The following RAMP3 variants were observed in gnomAD, a reference collection of about 807,000 sequenced individuals.
The protein encoded by RAMP3 is receptor activity-modifying protein 3.
Under a neutral mutation model 13.5 loss-of-function variants are expected in RAMP3, and 14 were observed. The observed-to-expected ratio is 1.04, with a 90% confidence interval of 0.69 to 1.63. The LOEUF is 1.63. RAMP3 is among the 40% of genes most tolerant of loss of function. The pLI is 0.00. For synonymous variants in RAMP3, 106 were observed against 88.3 expected, an observed-to-expected ratio of 1.20 and a Z score of -1.12; for missense variants, 200 against 204.8, an observed-to-expected ratio of 0.98 and a Z score of 0.14.
Position 45,161,291 on chromosome 7 carries a change from G to A in RAMP3, c.58+3405G>A, listed in dbSNP as rs115301079. 8.1e-3 allele frequency among the ~76,000 whole-genome samples: 1,234 copies of A among 152,198 alleles called. 12 individuals are homozygous for A. Among genetic ancestry groups the A allele is most frequent in the African/African-American group, 0.028 (1,172 of 41,490 alleles). On this transcript the variant is annotated intron_variant, in intron 1 of 2. Transcript: ENST00000242249. Reference sequence around the variant, plus strand: ...GGTATTTGTAGAGCCGTGGGGGAGGGGCTGGGCAATGCCCTGGCACTGGGG... The same window carrying A: ...GGTATTTGTAGAGCCGTGGGGGAGGAGCTGGGCAATGCCCTGGCACTGGGG...
chr7:45,157,806 G>T lies in RAMP3; in HGVS notation c.-23G>T. 6.9e-7 allele frequency: 1 copy of T among 1,438,914 alleles called. No homozygotes were observed. Among genetic ancestry groups the T allele is most frequent in the Non-Finnish European group, 9.0e-7 (1 of 1,105,364 alleles). 89.1% of individuals were successfully genotyped at this position (1,438,914 alleles called of 1,614,324 possible). A position where few individuals can be genotyped will look rare whatever the true frequency, so the allele number is the denominator to read the frequency against. On this transcript the variant is annotated 5_prime_UTR_variant, in exon 1 of 3. Transcript: ENST00000242249. ...CCGCGCCCCCAGCGGGACCGAGCGTGACCCAGCTGCGGCCGGCCAGCCATG... is the reference window on the plus strand; with the variant it reads ...CCGCGCCCCCAGCGGGACCGAGCGTTACCCAGCTGCGGCCGGCCAGCCATG...
chr7:45,161,404 T>C (rs1456655397), intron 1 of RAMP3, among the ~76,000 whole-genome samples: 1 of 152,066 alleles, frequency 6.6e-6, no homozygotes, highest in Non-Finnish European at 1.5e-5. Flanking sequence ...GGGTAATGAA[T>C]ACTTATCAGG....
intron 1 of RAMP3, among the ~76,000 whole-genome samples, chr7:45,169,469 T>A (rs925578625): frequency 2.5e-4 from 38 of 152,148 alleles, no homozygotes; most frequent in Admixed American, 2.0e-4. Flanking sequence ...CCTATTTAGA[T>A]TTTTGATGTC....
At chr7:45,174,665 C>T (rs1333238534) in intron 1 of RAMP3, among the ~76,000 whole-genome samples, 1 of 152,142 alleles carries the variant, frequency 6.6e-6, no homozygotes, top group Non-Finnish European at 1.5e-5. Context: ...ACTGTGGCTG[C>T]CTGTATGCGC....
In RAMP3 at chr7:45,183,140, C is replaced by T. The variant is rs762134566; in HGVS notation, c.192-17C>T. 5.6e-6 allele frequency: 9 copies of T among 1,606,564 alleles called. No homozygotes were observed. In the East Asian group the frequency reaches 1.6e-4, roughly 28 times the overall value. On this transcript the variant is annotated splice_polypyrimidine_tract_variant and intron_variant, in intron 2 of 2. Coordinates refer to ENST00000242249, the MANE Select transcript of RAMP3 (RefSeq NM_005856.3). ...GGGATGGCGAGAGCCTGGCTTTCAC[C>T]CCCTCTGCTTTTGCAGGTACTATGA...
At chr7:45,164,256 C>A in intron 1 of RAMP3, among the ~76,000 whole-genome samples, 1 of 152,324 alleles carries the variant, frequency 6.6e-6, no homozygotes, top group Non-Finnish European at 1.5e-5. Flanking sequence ...GAGGAGTATT[C>A]TCCAATTATC....
At chr7:45,178,513 C>G (rs1786238905) in intron 2 of RAMP3, among the ~76,000 whole-genome samples, 1 of 152,240 alleles carries the variant, frequency 6.6e-6, no homozygotes, top group Non-Finnish European at 1.5e-5. Context: ...TTCTAGTGGC[C>G]CAGCAGATGG....
chr7:45,169,564 G>A (rs1420425499), intron 1 of RAMP3, among the ~76,000 whole-genome samples: 8 of 152,136 alleles, frequency 5.3e-5, no homozygotes, highest in Non-Finnish European at 7.4e-5. Context: ...CTTAAAACCC[G>A]TTCTGGAGGC....
In RAMP3 at chr7:45,183,751, T is replaced by C. The variant is rs1020733460; in HGVS notation, c.*339T>C. On this transcript the variant is annotated 3_prime_UTR_variant, in exon 3 of 3. Coordinates refer to ENST00000242249, the MANE Select transcript of RAMP3 (RefSeq NM_005856.3). The stretch of plus-strand genomic sequence containing the variant: ...TCTGCCCGCAGGTTTCTATGCTGTT[T>C]CTTAGCACAGAATCCAGCCTAGCCT... The C allele has an allele frequency of 3.6e-6, 2 of 560,358 alleles. No individual in the cohort carries two copies. Among genetic ancestry groups the C allele is most frequent in the South Asian group, 4.9e-5 (2 of 40,548 alleles). The allele number at this position is 560,358 out of a possible 1,614,324, so 34.7% of individuals were successfully genotyped here. A position where few individuals can be genotyped will look rare whatever the true frequency, so the allele number is the denominator to read the frequency against.
At position 45,170,165 on chromosome 7, in the gene RAMP3, G is replaced by T. The variant is rs1234868663; in HGVS notation, c.59-7144G>T. ...CTTTTAAAAGCTTTTTTTTTTTAAT[G>T]AGCTTTGATTTTGTTGATTTTTTTT... On this transcript the variant is annotated intron_variant, in intron 1 of 2. Coordinates refer to ENST00000242249, the MANE Select transcript of RAMP3 (RefSeq NM_005856.3). Among the ~76,000 whole-genome samples, 5 of 60,990 alleles carry T rather than the reference G, an allele frequency of 8.2e-5. 1 individual carries two copies. The highest frequency in any genetic ancestry group is 1.8e-4 in the Admixed American group (1 of 5,444). The allele number at this position is 60,990 out of a possible 152,430, so 40.0% of individuals were successfully genotyped here.
intron 1 of RAMP3, among the ~76,000 whole-genome samples, chr7:45,162,696 T>G (rs1785887343): frequency 6.6e-6 from 1 of 152,076 alleles, no homozygotes; most frequent in Admixed American, 6.5e-5. Flanking sequence ...CACTGGTCAG[T>G]ACTGAGGGGG....
At chr7:45,170,907 G>A (rs923937923) in intron 1 of RAMP3, among the ~76,000 whole-genome samples, 26 of 151,826 alleles carry the variant, frequency 1.7e-4, no homozygotes, top group Admixed American at 5.2e-4. Context: ...GGGATTCTAA[G>A]AGTGAGTCAC....
intron 1 of RAMP3, among the ~76,000 whole-genome samples, chr7:45,160,720 G>A (rs962826062): frequency 2.0e-5 from 3 of 152,164 alleles, no homozygotes; most frequent in African/African-American, 4.8e-5. Flanking sequence ...TCTCAGTGGC[G>A]TCTGGAAGTC....
Position 45,183,080 on chromosome 7 carries a change from A to G in RAMP3, c.192-77A>G, listed in dbSNP as rs904015777. 3.9e-5 allele frequency: 62 copies of G among 1,573,532 alleles called. No individual in the cohort carries two copies. In the Middle Eastern group the frequency reaches 5.3e-4, roughly 14 times the overall value. On this transcript the variant is annotated intron_variant, in intron 2 of 2. Coordinates refer to ENST00000242249, the MANE Select transcript of RAMP3 (RefSeq NM_005856.3). The stretch of plus-strand genomic sequence containing the variant: ...GGACTGTACCCAAGCCACCCCACCC[A>G]TCTTCCTGGCCTCAGGTCAGGGCAG...
At position 45,157,866 on chromosome 7, in the gene RAMP3, CG is replaced by C; in HGVS notation, c.39del (p.Leu14CysfsTer34). On this transcript the variant is annotated frameshift_variant, in exon 1 of 3. Coordinates refer to ENST00000242249, the MANE Select transcript of RAMP3 (RefSeq NM_005856.3). LOFTEE classifies it high-confidence loss of function. ...TGALRRPQLL[P>X]LLLLLCGGCP... ...GCGCTGCGGCGCCCGCAACTTCTCC[CG>C]TTGCTGCTGCTGCTCTGCGGTAAGG... The C allele has an allele frequency of 1.4e-6, 2 of 1,411,306 alleles. No individual in the cohort carries two copies. Among genetic ancestry groups the C allele is most frequent in the Admixed American group, 6.4e-5 (2 of 31,106 alleles). 87.4% of individuals were successfully genotyped at this position (1,411,306 alleles called of 1,614,324 possible).
chr7:45,183,328 G>A lies in RAMP3; in HGVS notation c.363G>A (p.Pro121=), dbSNP rs758369772. Residue 121 remains proline (P), a synonymous_variant, in exon 3 of 3, where the codon CCG becomes CCA. Transcript: ENST00000242249. ...ACCCCCCAGACGAGGTTCTCATCCC[G>A]CTGATCGTTATACCCGTCGTTCTGA... is the stretch of plus-strand genomic sequence containing the variant. ...LEDPPDEVLI[P]LIVIPVVLTV... is the part of the protein sequence containing the mutation. 161 of 1,613,880 alleles carry A rather than the reference G, an allele frequency of 1.0e-4. 2 individuals are homozygous for A. In the Admixed American group the frequency reaches 1.9e-3, roughly 19 times the overall value.
chr7:45,178,260 T>G (rs1267973793), intron 2 of RAMP3, among the ~76,000 whole-genome samples: 1 of 152,106 alleles, frequency 6.6e-6, no homozygotes, highest in East Asian at 1.9e-4. Context: ...GGAGGTCCCC[T>G]TGTTCTAGAA....
chr7:45,176,132 A>G (rs776708178), intron 1 of RAMP3, among the ~76,000 whole-genome samples: 10 of 151,984 alleles, frequency 6.6e-5, no homozygotes, highest in East Asian at 1.9e-4. Flanking sequence ...AGCCAGCTCA[A>G]CCTCCTTGTG....
At chr7:45,176,397 C>T (rs1786188039) in intron 1 of RAMP3, among the ~76,000 whole-genome samples, 2 of 151,734 alleles carry the variant, frequency 1.3e-5, no homozygotes, top group East Asian at 3.9e-4. Flanking sequence ...TACACACACA[C>T]ACACACACAC....
Sources: allele counts gnomAD v4.1 joint callset (sites outside exome capture counted in the v4.1 genomes callset), GRCh38; gene constraint gnomAD v4.1.1; transcripts MANE v1.5; gene names NCBI Gene and HGNC (gene_info 2026-07-23, HGNC 2026-07-21).